Variants in KIRREL3 observed in about 807,000 individuals in gnomAD.
KIRREL3 encodes kin of IRRE-like protein 3.
In KIRREL3, 36 loss-of-function variants were observed where a neutral mutation model predicts 89.7. The observed-to-expected ratio is 0.40, with a 90% confidence interval of 0.31 to 0.53. The LOEUF (loss-of-function observed/expected upper bound fraction) is 0.53. KIRREL3 is among the 20% of genes least tolerant of loss of function. The pLI is 0.49. For synonymous variants in KIRREL3, 445 were observed against 441.4 expected (o/e 1.01, Z -0.10); for missense variants, 864 against 1,056.6 (o/e 0.82, Z 2.53).
rs1270205491 is a variant in KIRREL3, at chr11:126,689,375, G to A, written c.56-126463C>T. ...GCTGCCCAGACCCCCTGGGAGCCCA[G>A]AGTCCCCATCCTTGCATCTCATGAT... On this transcript the variant is annotated intron_variant, in intron 1 of 16. Transcript: ENST00000525144. The surrounding 1 kb of genome is among the most constrained non-coding windows in gnomAD (Gnocchi z 5.2). Among the ~76,000 whole-genome samples the A allele has an allele frequency of 2.0e-5, 3 of 152,224 alleles. No homozygotes were observed. The highest frequency in any genetic ancestry group is 2.9e-5 in the Non-Finnish European group (2 of 68,038).
Position 126,491,206 on chromosome 11 carries a change from G to A in KIRREL3, c.434-17740C>T, listed in dbSNP as rs1025911615. On this transcript the variant is annotated intron_variant, in intron 4 of 16. Transcript: ENST00000525144. The surrounding 1 kb of genome is among the most constrained non-coding windows in gnomAD (Gnocchi z 5.5). ...GGCGTCAGCGTCTGCATCTGAAAGT[G>A]GGCATGGCGGTGAAACCACCTGAGG... is the stretch of plus-strand genomic sequence containing the variant. Among the ~76,000 whole-genome samples the A allele has an allele frequency of 7.9e-5, 12 of 152,224 alleles. No individual in the cohort carries two copies. The highest frequency in any genetic ancestry group is 5.9e-4 in the Admixed American group (9 of 15,286).
At chr11:126,577,330 G>A (rs1043526401) in intron 1 of KIRREL3, among the ~76,000 whole-genome samples, 4 of 151,978 alleles carry the variant, frequency 2.6e-5, no homozygotes, top group African/African-American at 9.7e-5. Context: ...GATGGGTGGG[G>A]GCAGAGACAA....
rs569450711 is a variant in KIRREL3, at chr11:126,991,826, C to T, written c.55+8629G>A. On this transcript the variant is annotated intron_variant, in intron 1 of 16. Coordinates refer to ENST00000525144, the MANE Select transcript of KIRREL3 (RefSeq NM_032531.4). The surrounding 1 kb of genome is among the most constrained non-coding windows in gnomAD (Gnocchi z 5.8). ...ATGACACCACAGCTTAGGATACTCT[C>T]CTGCATTTTTTAGTGTTGATGTGGA... 4.6e-5 allele frequency among the ~76,000 whole-genome samples: 7 copies of T among 152,270 alleles called. No individual in the cohort carries two copies. In the South Asian group the frequency reaches 8.3e-4, roughly 18 times the overall value.
rs1016539202 is a variant in KIRREL3, at chr11:126,615,974, G to A, written c.56-53062C>T. 5.3e-5 allele frequency among the ~76,000 whole-genome samples: 8 copies of A among 152,136 alleles called. No homozygotes were observed. The highest frequency in any genetic ancestry group is 2.0e-4 in the Admixed American group (3 of 15,270). ...CCCTGGGTGTGTGTGTGTGGGGTGC[G>A]TGGGTGGGGAGATGCATGACTGCTT... On this transcript the variant is annotated intron_variant, in intron 1 of 16. Coordinates refer to ENST00000525144, the MANE Select transcript of KIRREL3 (RefSeq NM_032531.4). The surrounding 1 kb of genome is among the most constrained non-coding windows in gnomAD (Gnocchi z 5.4).
At chr11:126,698,614 G>A (rs771504181) in intron 1 of KIRREL3, among the ~76,000 whole-genome samples, 29 of 152,354 alleles carry the variant, frequency 1.9e-4, no homozygotes, top group Non-Finnish European at 4.1e-4. Context: ...AGGTGTCAAG[G>A]CCAGGGTTCT....
intron 1 of KIRREL3, among the ~76,000 whole-genome samples, chr11:126,826,364 C>T (rs566278765): frequency 7.9e-5 from 12 of 152,302 alleles, no homozygotes; most frequent in Non-Finnish European, 1.2e-4. Flanking sequence ...AACTGATTTC[C>T]TCATCATGAT....
chr11:126,992,838 T>C (rs139997427), intron 1 of KIRREL3, among the ~76,000 whole-genome samples: 86 of 152,322 alleles, frequency 5.6e-4, no homozygotes, highest in African/African-American at 1.9e-3. Flanking sequence ...CATTCCTCAA[T>C]GCACTCTTTC....
rs1949902020 is a variant in KIRREL3 at position 126,987,534 on chromosome 11, T to C, written c.55+12921A>G. On this transcript the variant is annotated intron_variant, in intron 1 of 16. Coordinates refer to ENST00000525144, the MANE Select transcript of KIRREL3 (RefSeq NM_032531.4). The surrounding 1 kb of genome is among the most constrained non-coding windows in gnomAD (Gnocchi z 4.6). ...TTCAGCTGTTTTCACCTGTAAAGTATGGATTTCTCTCTGCAAAAACCTCTG... is the reference window on the plus strand; with the variant it reads ...TTCAGCTGTTTTCACCTGTAAAGTACGGATTTCTCTCTGCAAAAACCTCTG... 6.6e-6 allele frequency among the ~76,000 whole-genome samples: 1 copy of C among 152,300 alleles called. No individual in the cohort carries two copies. The highest frequency in any genetic ancestry group is 2.4e-5 in the African/African-American group (1 of 41,572).
At chr11:126,619,507 G>C (rs1163282315) in intron 1 of KIRREL3, among the ~76,000 whole-genome samples, 1 of 152,200 alleles carries the variant, frequency 6.6e-6, no homozygotes, top group East Asian at 1.9e-4. Flanking sequence ...TGTGGAGACT[G>C]GATTGCAGGA....
rs930629132 is a variant in KIRREL3, at chr11:126,550,775, T to C, written c.133+12060A>G. The C allele has an allele frequency of 1.3e-5, 2 of 152,158 alleles. No individual in the cohort carries two copies. The highest frequency in any genetic ancestry group is 2.4e-5 in the African/African-American group (1 of 41,452). 9.4% of individuals were successfully genotyped at this position (152,158 alleles called of 1,614,324 possible). On this transcript the variant is annotated intron_variant, in intron 2 of 16. Transcript: ENST00000525144. The surrounding 1 kb of genome is among the most constrained non-coding windows in gnomAD (Gnocchi z 4.9). ...AAACTCTCCCCAACTGCATTTTTCC[T>C]CTACACTCACCACAACAGTCCACAC...
Position 126,440,566 on chromosome 11 carries a change from T to G in KIRREL3, c.1253-17A>C. Reference sequence around the variant, plus strand: ...TGGGGGGTCCTGTTGAGAAACAGCGTCCCATTAGGCACCCGGGAAGGGCAC... The same window carrying G: ...TGGGGGGTCCTGTTGAGAAACAGCGGCCCATTAGGCACCCGGGAAGGGCAC... On this transcript the variant is annotated splice_polypyrimidine_tract_variant and intron_variant, in intron 10 of 16. Transcript: ENST00000525144. The G allele has an allele frequency of 6.3e-7, 1 of 1,579,644 alleles. No individual in the cohort carries two copies. Among genetic ancestry groups the G allele is most frequent in the Non-Finnish European group, 8.6e-7 (1 of 1,162,444 alleles).
In KIRREL3 at chr11:126,937,627, G is replaced by A. The variant is rs548815949; in HGVS notation, c.55+62828C>T. 4.1e-4 allele frequency among the ~76,000 whole-genome samples: 62 copies of A among 152,334 alleles called. No homozygotes were observed. The South Asian group carries it at 8.7e-3, about 21-fold the overall frequency. On this transcript the variant is annotated intron_variant, in intron 1 of 16. Coordinates refer to ENST00000525144, the MANE Select transcript of KIRREL3 (RefSeq NM_032531.4). ...ATAAAAAAACAGCAGTTGGCCGGGC[G>A]TGGTGGCTCATGCCTGTAATCCCAG... is the stretch of plus-strand genomic sequence containing the variant.
In KIRREL3 at chr11:126,719,719, C is replaced by T. The variant is rs916931983; in HGVS notation, c.56-156807G>A. 1.3e-5 allele frequency among the ~76,000 whole-genome samples: 2 copies of T among 152,190 alleles called. No individual in the cohort carries two copies. The highest frequency in any genetic ancestry group is 2.4e-5 in the African/African-American group (1 of 41,442). ...TAGAAGTCATCCCTGATGCCTTTCT[C>T]TAATACTTTATCTTTCAATCTTTTA... On this transcript the variant is annotated intron_variant, in intron 1 of 16. Coordinates refer to ENST00000525144, the MANE Select transcript of KIRREL3 (RefSeq NM_032531.4). The surrounding 1 kb of genome is among the most constrained non-coding windows in gnomAD (Gnocchi z 4.7).
At chr11:126,572,572 A>C (rs1185720071) in intron 1 of KIRREL3, among the ~76,000 whole-genome samples, 2 of 139,842 alleles carry the variant, frequency 1.4e-5, no homozygotes, top group Admixed American at 7.2e-5. Flanking sequence ...GGAAGAGGGG[A>C]CCCCCCCCCC....
At chr11:126,602,623 C>T (rs1942710138) in intron 1 of KIRREL3, among the ~76,000 whole-genome samples, 1 of 152,172 alleles carries the variant, frequency 6.6e-6, no homozygotes, top group African/African-American at 2.4e-5. Flanking sequence ...TCCCGTCTGT[C>T]ACAGTCCCAT....
At chr11:126,998,621 A>C (rs994310634) in intron 1 of KIRREL3, among the ~76,000 whole-genome samples, 2 of 152,236 alleles carry the variant, frequency 1.3e-5, no homozygotes, top group African/African-American at 4.8e-5. Flanking sequence ...ATTCACATGA[A>C]GCAGTCAAGA....
At chr11:126,972,330 T>A (rs1025411714) in intron 1 of KIRREL3, among the ~76,000 whole-genome samples, 1 of 152,150 alleles carries the variant, frequency 6.6e-6, no homozygotes, top group Non-Finnish European at 1.5e-5. Context: ...AATTATTCCC[T>A]CTATGAGTCT....
At chr11:126,949,173 T>C (rs1443159485) in intron 1 of KIRREL3, among the ~76,000 whole-genome samples, 1 of 152,198 alleles carries the variant, frequency 6.6e-6, no homozygotes, top group Non-Finnish European at 1.5e-5. Context: ...ACAGGTATGA[T>C]TTCTGGTGAG....
upstream of KIRREL3, among the ~76,000 whole-genome samples, chr11:127,002,271 A>T (rs7933104): frequency 0.071 from 10,650 of 150,844 alleles, 886 homozygotes; most frequent in East Asian, 0.42. Context: ...TCTTAACTTA[A>T]TAGTTTATTT....
Sources: gnomAD v4.1 joint callset for allele counts (sites outside exome capture counted in the v4.1 genomes callset) on GRCh38, gnomAD v4.1.1 for gene constraint, Gnocchi (gnomAD v3.1) non-coding constraint, MANE v1.5 for transcripts, NCBI Gene and HGNC (gene_info 2026-07-23, HGNC 2026-07-21) for gene names.